Variants in PRRG1 observed in about 807,000 individuals in gnomAD.
PRRG1 encodes the protein transmembrane gamma-carboxyglutamic acid protein 1.
Under a neutral mutation model 11.8 loss-of-function variants are expected in PRRG1, and 5 were observed. That is an observed-to-expected ratio of 0.42 (90% CI 0.22 to 0.89). The LOEUF is 0.89. Among genes scored for constraint, PRRG1 ranks in the 40% least tolerant of loss-of-function variants. PRRG1 has a pLI of 0.28. For synonymous variants in PRRG1, 66 were observed against 60.4 expected (o/e 1.09, Z -0.43); for missense variants, 155 against 166.1 (o/e 0.93, Z 0.37).
chrX:37,423,224 A>G (rs555896843), intron 2 of PRRG1, among the ~76,000 whole-genome samples: 1 of 110,929 alleles, frequency 9.0e-6, no homozygotes, highest in Non-Finnish European at 1.9e-5. Flanking sequence ...ATTTTTAACA[A>G]AAATTAACTT....
chrX:37,429,475 CT>C (rs1235070876), intron 3 of PRRG1, among the ~76,000 whole-genome samples: 2 of 111,836 alleles, frequency 1.8e-5, no homozygotes, highest in African/African-American at 6.5e-5. Context: ...CCACCAGTCT[CT>C]TTGCTAAAAC....
chrX:37,385,186 G>A (rs144128075), intron 1 of PRRG1, among the ~76,000 whole-genome samples: 1,141 of 111,988 alleles, frequency 0.01, 12 homozygotes, highest in African/African-American at 0.035. Context: ...GCAACAATAT[G>A]GATGAATCTT....
intron 1 of PRRG1, among the ~76,000 whole-genome samples, chrX:37,361,974 G>A (rs1556367780): frequency 8.9e-6 from 1 of 111,989 alleles, no homozygotes; most frequent in African/African-American, 3.2e-5. Context: ...TTCTTTTTCT[G>A]TATTAGTATT....
chrX:37,432,279 G>GA (rs1932838068), intron 3 of PRRG1, among the ~76,000 whole-genome samples: 1 of 104,104 alleles, frequency 9.6e-6, no homozygotes, highest in African/African-American at 4.0e-5. Flanking sequence ...AGTAGAGACG[G>GA]CTTTCACCCT....
intron 1 of PRRG1, among the ~76,000 whole-genome samples, chrX:37,384,101 G>C (rs1556374480): frequency 3.6e-5 from 4 of 110,676 alleles, no homozygotes; most frequent in African/African-American, 1.3e-4. Flanking sequence ...GGCCATTCAA[G>C]GGTATATATA....
chrX:37,415,708 C>T (rs1373250685), intron 2 of PRRG1, among the ~76,000 whole-genome samples: 2 of 111,805 alleles, frequency 1.8e-5, no homozygotes, highest in Non-Finnish European at 3.8e-5. Context: ...TTGCTATACA[C>T]GGACATTTAT....
chrX:37,365,448 T>C (rs781884442), intron 1 of PRRG1, among the ~76,000 whole-genome samples: 4 of 112,035 alleles, frequency 3.6e-5, no homozygotes, highest in Non-Finnish European at 5.6e-5. Context: ...TTTGATCATA[T>C]AGCCTCCAGT....
chrX:37,438,291 G>A (rs953870273), intron 3 of PRRG1, among the ~76,000 whole-genome samples: 12 of 110,594 alleles, frequency 1.1e-4, no homozygotes, highest in African/African-American at 3.3e-4. Context: ...ATGTATCCAG[G>A]CAAGTAGATG....
intron 3 of PRRG1, among the ~76,000 whole-genome samples, chrX:37,436,433 A>G (rs1241329914): frequency 1.8e-5 from 2 of 112,066 alleles, no homozygotes; most frequent in Non-Finnish European, 3.8e-5. Context: ...CCTTCACACT[A>G]GGATATGTTA....
Position 37,433,510 on chromosome X carries a change from G to A in PRRG1, c.171+7510G>A, listed in dbSNP as rs181506473. ...AAGCACTCTACCTTAAATTGCAACC[G>A]CTTGTCCCTTCTGTGACTTTCTTTT... is the stretch of plus-strand genomic sequence containing the variant. On this transcript the variant is annotated intron_variant, in intron 3 of 3. Coordinates refer to ENST00000378628, the MANE Select transcript of PRRG1 (RefSeq NM_001142395.2). Among the ~76,000 whole-genome samples, 1,045 of 107,875 alleles carry A rather than the reference G, an allele frequency of 9.7e-3. 35 individuals carry two copies. The highest frequency in any genetic ancestry group is 0.086 in the Admixed American group (862 of 10,002). The allele number at this position is 107,875 out of a possible 115,157, so 93.7% of individuals were successfully genotyped here. A position where few individuals can be genotyped will look rare whatever the true frequency, so the allele number is the denominator to read the frequency against.
intron 1 of PRRG1, among the ~76,000 whole-genome samples, chrX:37,375,922 T>C (rs1930923725): frequency 8.9e-6 from 1 of 111,806 alleles, no homozygotes; most frequent in South Asian, 3.8e-4. Context: ...AGCCTGATAC[T>C]GGTTCTGGAG....
At chrX:37,434,669 G>A (rs1384096372) in intron 3 of PRRG1, among the ~76,000 whole-genome samples, 2 of 111,595 alleles carry the variant, frequency 1.8e-5, no homozygotes, top group South Asian at 3.8e-4. Flanking sequence ...TACAGTATGA[G>A]GTTTGAGGCT....
At chrX:37,381,341 TATAAGAAATTATGGCA>T (rs1274934527) in intron 1 of PRRG1, among the ~76,000 whole-genome samples, 1 of 112,180 alleles carries the variant, frequency 8.9e-6, no homozygotes, top group Non-Finnish European at 1.9e-5. Flanking sequence ...AGAAAGAAGT[TATAAGAAATTATGGCA>T]TTAAATGTGT....
chrX:37,399,131 T>G (rs1230868237), intron 1 of PRRG1, among the ~76,000 whole-genome samples: 2 of 110,772 alleles, frequency 1.8e-5, no homozygotes, highest in Non-Finnish European at 3.8e-5. Flanking sequence ...ATACAGAGAA[T>G]GCCACAAAGA....
chrX:37,432,157 A>G (rs1456082376), intron 3 of PRRG1, among the ~76,000 whole-genome samples: 15 of 104,971 alleles, frequency 1.4e-4, no homozygotes, highest in African/African-American at 4.3e-4. Flanking sequence ...GCGCAATCTC[A>G]GCTCACTGCA....
Position 37,453,312 on chromosome X carries a change from T to G in PRRG1, c.348T>G (p.Thr116=). 1 of 1,208,669 alleles carries G rather than the reference T, an allele frequency of 8.3e-7. No individual in the cohort carries two copies. Among genetic ancestry groups the G allele is most frequent in the Non-Finnish European group, 1.1e-6 (1 of 892,788 alleles). The change falls in exon 4 of 4, where the codon ACT becomes ACG. Residue 116 remains threonine (T), a synonymous_variant. Transcript: ENST00000378628. Reference sequence around the variant, plus strand: ...ACAAAACTCGTAGACAGACAGTGACTGAAGGCCACATTCCTTTCCCTCAGC... The same window carrying G: ...ACAAAACTCGTAGACAGACAGTGACGGAAGGCCACATTCCTTTCCCTCAGC... ...LRNKTRRQTV[T]EGHIPFPQHL... is the part of the protein sequence containing the mutation.
chrX:37,369,867 T>C (rs890175300), intron 1 of PRRG1, among the ~76,000 whole-genome samples: 6 of 111,586 alleles, frequency 5.4e-5, no homozygotes, highest in Non-Finnish European at 9.4e-5. Context: ...CCTGCCATCA[T>C]GTAAGACATC....
chrX:37,351,206 A>G (rs1930050076), intron 1 of PRRG1, among the ~76,000 whole-genome samples: 1 of 111,804 alleles, frequency 8.9e-6, no homozygotes, highest in Admixed American at 9.5e-5. Flanking sequence ...AAAGATGGTA[A>G]TTCATAGGCC....
At chrX:37,423,776 C>G (rs1932726668) in intron 2 of PRRG1, among the ~76,000 whole-genome samples, 1 of 111,185 alleles carries the variant, frequency 9.0e-6, no homozygotes, top group African/African-American at 3.3e-5. Flanking sequence ...CCTTCACATT[C>G]ACTCACCACT....
Sources: allele counts gnomAD v4.1 joint callset (sites outside exome capture counted in the v4.1 genomes callset), GRCh38; gene constraint gnomAD v4.1.1; transcripts MANE v1.5; gene names NCBI Gene and HGNC (gene_info 2026-07-23, HGNC 2026-07-21).